THSD4: variants seen among roughly 807,000 people sequenced by gnomAD.
THSD4 encodes the protein thrombospondin type 1 domain containing 4.
In THSD4, 69 loss-of-function variants were observed where a neutral mutation model predicts 119.0. The observed-to-expected ratio is 0.58, with a 90% CI of 0.48 to 0.71. The LOEUF is 0.71. Ranked by LOEUF, THSD4 falls within the 30% of genes least tolerant of loss-of-function variation. The pLI is 0.00. For synonymous variants in THSD4, 524 were observed against 540.4 expected (o/e 0.97, Z 0.42); for missense variants, 1,393 against 1,391.1 (o/e 1.00, Z -0.02).
At chr15:71,554,638 C>T (rs960818005) in intron 7 of THSD4, among the ~76,000 whole-genome samples, 3 of 152,088 alleles carry the variant, frequency 2.0e-5, no homozygotes, top group Non-Finnish European at 2.9e-5. Context: ...CCAAGTGATC[C>T]TCCCACCTCA....
In THSD4 at chr15:71,521,622, C is replaced by T. The variant is rs115250106; in HGVS notation, c.1152+109799C>T. Among the ~76,000 whole-genome samples the T allele has an allele frequency of 5.0e-3, 762 of 152,164 alleles. 6 individuals carry two copies. Among genetic ancestry groups the T allele is most frequent in the African/African-American group, 0.018 (738 of 41,498 alleles). On this transcript the variant is annotated intron_variant, in intron 7 of 17. Coordinates refer to ENST00000261862, the MANE Select transcript of THSD4 (RefSeq NM_024817.3). ...GCCATGAACTTCTCTGCCAAATGGC[C>T]GTGAGTAAGAAGATGGCCTCTTGGA...
intron 6 of THSD4, among the ~76,000 whole-genome samples, chr15:71,389,232 T>G (rs1382327744): frequency 6.6e-6 from 1 of 152,202 alleles, no homozygotes; most frequent in Non-Finnish European, 1.5e-5. Context: ...ATCTCTAGCA[T>G]TCTTTTCATC....
At chr15:71,369,943 G>C (rs7171613) in intron 6 of THSD4, among the ~76,000 whole-genome samples, 1 of 152,282 alleles carries the variant, frequency 6.6e-6, no homozygotes, top group African/African-American at 2.4e-5. Flanking sequence ...CTATTACTTA[G>C]TGCCTCAATT....
chr15:71,628,104 AAGTC>A (rs879818110), intron 7 of THSD4, among the ~76,000 whole-genome samples: 1 of 152,192 alleles, frequency 6.6e-6, no homozygotes, highest in Non-Finnish European at 1.5e-5. Flanking sequence ...GTGCCAGCCC[AAGTC>A]AGTCAGAGTC....
chr15:71,757,909 C>A lies in THSD4; in HGVS notation c.2423C>A (p.Ala808Glu). ...FLTEWSERCSAECGAGVRTRS... is the reference protein window; with the variant it reads ...FLTEWSERCSEECGAGVRTRS... ...CCTTCCCCTGTCTCACAGTGCTCAG[C>A]GGAGTGTGGGGCCGGAGTGCGGACA... The change falls in exon 15 of 18, where the codon GCG (alanine) becomes GAG (glutamate). Residue 808 changes from alanine (A) to glutamate (E), a missense_variant. Physicochemically the swap from Ala to Glu is moderately radical, Grantham distance 107. Coordinates refer to ENST00000261862, the MANE Select transcript of THSD4 (RefSeq NM_024817.3). 6.2e-7 allele frequency: 1 copy of A among 1,613,436 alleles called. No homozygotes were observed. The highest frequency in any genetic ancestry group is 8.5e-7 in the Non-Finnish European group (1 of 1,179,984).
intron 3 of THSD4, among the ~76,000 whole-genome samples, chr15:71,168,182 G>C (rs1025929734): frequency 3.3e-5 from 5 of 152,168 alleles, no homozygotes; most frequent in African/African-American, 1.2e-4. Flanking sequence ...CCAAGAGTAG[G>C]AAAAAACTTG....
intron 8 of THSD4, among the ~76,000 whole-genome samples, chr15:71,670,218 C>T (rs894089611): frequency 2.0e-5 from 3 of 151,700 alleles, no homozygotes; most frequent in Non-Finnish European, 4.4e-5. Context: ...TCTCCTAATG[C>T]TATCCCTCCC....
intron 8 of THSD4, among the ~76,000 whole-genome samples, chr15:71,681,603 G>T (rs528741827): frequency 1.3e-5 from 2 of 151,758 alleles, no homozygotes; most frequent in East Asian, 3.9e-4. Context: ...TGAACCGGGG[G>T]GGTGGAGGTT....
chr15:71,196,655 C>A (rs2043722106), intron 3 of THSD4, among the ~76,000 whole-genome samples: 1 of 152,066 alleles, frequency 6.6e-6, no homozygotes, highest in Non-Finnish European at 1.5e-5. Flanking sequence ...AGAAATGTGG[C>A]AATCAAGATG....
chr15:71,470,796 C>T (rs1420285432), intron 7 of THSD4, among the ~76,000 whole-genome samples: 5 of 151,724 alleles, frequency 3.3e-5, no homozygotes, highest in Non-Finnish European at 4.4e-5. Context: ...CCACCGCGCC[C>T]GGCTAATTTT....
chr15:71,390,124 T>A (rs1009865907), intron 6 of THSD4, among the ~76,000 whole-genome samples: 1 of 152,150 alleles, frequency 6.6e-6, no homozygotes, highest in Non-Finnish European at 1.5e-5. Flanking sequence ...ATGAGCAACA[T>A]ATTCTGGGCA....
intron 7 of THSD4, among the ~76,000 whole-genome samples, chr15:71,455,409 A>G (rs2047325352): frequency 6.6e-6 from 1 of 151,696 alleles, no homozygotes; most frequent in Non-Finnish European, 1.5e-5. Flanking sequence ...AGGCTTTGGT[A>G]GGGTGTGTGA....
Position 71,593,831 on chromosome 15 carries a change from G to A in THSD4, c.1153-66699G>A, listed in dbSNP as rs1249084824. The stretch of plus-strand genomic sequence containing the variant: ...AGGTGGGAAGATTGCTTGAGCCTGG[G>A]AGGTCGAGACTGCAGTGAGCCATGA... On this transcript the variant is annotated intron_variant, in intron 7 of 17. Transcript: ENST00000261862. Among the ~76,000 whole-genome samples the A allele has an allele frequency of 2.6e-5, 4 of 152,014 alleles. 1 individual carries two copies. The highest frequency in any genetic ancestry group is 2.0e-4 in the Admixed American group (3 of 15,252).
chr15:71,174,861 C>A (rs1348305920), intron 3 of THSD4, among the ~76,000 whole-genome samples: 1 of 151,184 alleles, frequency 6.6e-6, no homozygotes, highest in African/African-American at 2.4e-5. Context: ...TGGGAGGCAC[C>A]CCCCAGCAGG....
chr15:71,362,934 A>G (rs925752316), intron 6 of THSD4, among the ~76,000 whole-genome samples: 1 of 150,860 alleles, frequency 6.6e-6, no homozygotes, highest in African/African-American at 2.4e-5. Context: ...ATTGTGAATT[A>G]GTAAAATTCA....
intron 7 of THSD4, among the ~76,000 whole-genome samples, chr15:71,612,185 G>T (rs2050243424): frequency 1.3e-5 from 2 of 152,158 alleles, no homozygotes; most frequent in Non-Finnish European, 1.5e-5. Context: ...CCTTTGGAAA[G>T]GGGTCATGAA....
chr15:71,109,796 C>T (rs181541612), intron 1 of THSD4, among the ~76,000 whole-genome samples: 56 of 151,218 alleles, frequency 3.7e-4, no homozygotes, highest in Non-Finnish European at 3.5e-4. Flanking sequence ...TGAGCCGCTA[C>T]AACTAGCACA....
intron 8 of THSD4, among the ~76,000 whole-genome samples, chr15:71,722,588 G>A (rs188342042): frequency 2.2e-3 from 338 of 152,192 alleles, no homozygotes; most frequent in African/African-American, 7.5e-3. Flanking sequence ...GAATGGGATC[G>A]TAAGAAGAAG....
chr15:71,126,293 A>C (rs920184248), intron 1 of THSD4, among the ~76,000 whole-genome samples: 1 of 152,048 alleles, frequency 6.6e-6, no homozygotes, highest in Non-Finnish European at 1.5e-5. Flanking sequence ...CTGCCCCTCC[A>C]AGCCAGGGAC....
Sources: gnomAD v4.1 joint callset for allele counts (sites outside exome capture counted in the v4.1 genomes callset) on GRCh38, gnomAD v4.1.1 for gene constraint, MANE v1.5 for transcripts, NCBI Gene and HGNC (gene_info 2026-07-23, HGNC 2026-07-21) for gene names.